Variants in GPATCH2 observed in about 807,000 individuals in gnomAD.
GPATCH2 encodes G patch domain-containing protein 2.
A neutral mutation model predicts 58.0 loss-of-function variants in GPATCH2; 51 were observed. The ratio of observed to expected loss-of-function variants is 0.88; its 90% CI spans 0.70 to 1.11. GPATCH2 has a LOEUF of 1.11. Among genes scored for constraint, GPATCH2 ranks in the 50% most tolerant of loss-of-function variants. The probability of loss-of-function intolerance (pLI) is 0.00; values close to 1 mark genes in which losing one functional copy is unlikely to be tolerated. For synonymous variants in GPATCH2, 222 were observed against 218.5 expected (o/e 1.02, Z -0.14); for missense variants, 625 against 652.2 (o/e 0.96, Z 0.45).
intron 5 of GPATCH2, among the ~76,000 whole-genome samples, chr1:217,591,169 T>G (rs1667572170): frequency 6.6e-6 from 1 of 152,076 alleles, no homozygotes; most frequent in African/African-American, 2.4e-5. Flanking sequence ...CTAGGCTATG[T>G]CAACAGCCAA....
At chr1:217,495,353 A>C (rs1276564172) in intron 7 of GPATCH2, among the ~76,000 whole-genome samples, 1 of 152,202 alleles carries the variant, frequency 6.6e-6, no homozygotes, top group Non-Finnish European at 1.5e-5. Context: ...ATTATACATA[A>C]GGCACTCAAG....
At chr1:217,586,705 CTTGTA>C (rs1667357773) in intron 5 of GPATCH2, among the ~76,000 whole-genome samples, 1 of 152,148 alleles carries the variant, frequency 6.6e-6, no homozygotes, top group Non-Finnish European at 1.5e-5. Context: ...ATGGTACATA[CTTGTA>C]TTGTGTATAC....
At chr1:217,576,317 T>C (rs996881447) in intron 5 of GPATCH2, among the ~76,000 whole-genome samples, 7 of 152,156 alleles carry the variant, frequency 4.6e-5, no homozygotes, top group Non-Finnish European at 1.0e-4. Flanking sequence ...TAAAATATAT[T>C]TTCCTAGAAC....
intron 7 of GPATCH2, among the ~76,000 whole-genome samples, chr1:217,497,808 A>G (rs1432835890): frequency 6.6e-6 from 1 of 152,176 alleles, no homozygotes; most frequent in Non-Finnish European, 1.5e-5. Context: ...TAATATAATC[A>G]AGGGGTAACT....
chr1:217,559,950 G>A (rs1390607723), intron 5 of GPATCH2, among the ~76,000 whole-genome samples: 1 of 152,100 alleles, frequency 6.6e-6, no homozygotes, highest in East Asian at 1.9e-4. Flanking sequence ...CTTGGTTCAA[G>A]CGATTCTCCT....
chr1:217,472,523 C>T (rs935306826), intron 8 of GPATCH2, among the ~76,000 whole-genome samples: 2 of 152,020 alleles, frequency 1.3e-5, no homozygotes, highest in Non-Finnish European at 1.5e-5. Flanking sequence ...AAGATGGTCT[C>T]GATCTCCTGA....
intron 5 of GPATCH2, among the ~76,000 whole-genome samples, chr1:217,603,790 T>G (rs1057017256): frequency 7.9e-5 from 12 of 151,808 alleles, no homozygotes; most frequent in Non-Finnish European, 1.3e-4. Context: ...GCCCTGCTAA[T>G]TTTTGTATTT....
At chr1:217,545,332 G>C (rs1327796056) in intron 5 of GPATCH2, among the ~76,000 whole-genome samples, 1 of 152,164 alleles carries the variant, frequency 6.6e-6, no homozygotes, top group Non-Finnish European at 1.5e-5. Context: ...GCACTACCAA[G>C]ACCATATCTC....
intron 5 of GPATCH2, among the ~76,000 whole-genome samples, chr1:217,558,782 CA>C (rs1233395618): frequency 1.3e-5 from 2 of 151,942 alleles, no homozygotes; most frequent in Non-Finnish European, 2.9e-5. Flanking sequence ...ACCTGTTCTA[CA>C]AAAGGTTTTA....
rs1177430745 is a variant in GPATCH2, at chr1:217,428,286, T to C, written c.*2859A>G. On this transcript the variant is annotated 3_prime_UTR_variant, in exon 10 of 10. Transcript: ENST00000366935. Reference sequence around the variant, plus strand: ...TAATTTGCTATAAGGCTACAGATACTGTAGAAGAGTGGCTTCACAAAACAG... The same window carrying C: ...TAATTTGCTATAAGGCTACAGATACCGTAGAAGAGTGGCTTCACAAAACAG... 6.6e-6 allele frequency: 1 copy of C among 152,332 alleles called. No individual in the cohort carries two copies. Among genetic ancestry groups the C allele is most frequent in the East Asian group, 1.9e-4 (1 of 5,188 alleles). The allele number at this position is 152,332 out of a possible 1,614,324, so 9.4% of individuals were successfully genotyped here. A position where few individuals can be genotyped will look rare whatever the true frequency, so the allele number is the denominator to read the frequency against.
chr1:217,596,048 C>A (rs774883742), intron 5 of GPATCH2, among the ~76,000 whole-genome samples: 1 of 151,446 alleles, frequency 6.6e-6, no homozygotes, highest in Non-Finnish European at 1.5e-5. Context: ...TCAAAAGATA[C>A]CAAAGAATAG....
rs559010486 is a variant in GPATCH2, at chr1:217,533,920, A to G, written c.1099-19031T>C. ...AAATGAATATAAAATAAGATCTATT[A>G]AAAAGATTCTTACAGCCAGGCATGG... On this transcript the variant is annotated intron_variant, in intron 5 of 9. Coordinates refer to ENST00000366935, the MANE Select transcript of GPATCH2 (RefSeq NM_018040.5). Among the ~76,000 whole-genome samples, 7 of 152,268 alleles carry G rather than the reference A, an allele frequency of 4.6e-5. No individual in the cohort carries two copies. The East Asian group carries it at 1.4e-3, about 29-fold the overall frequency.
At chr1:217,496,055 ATTT>A (rs1303549136) in intron 7 of GPATCH2, among the ~76,000 whole-genome samples, 1 of 152,180 alleles carries the variant, frequency 6.6e-6, no homozygotes, top group African/African-American at 2.4e-5. Flanking sequence ...AAACTAAAAG[ATTT>A]TATACTTCAT....
chr1:217,525,217 A>G (rs1571862271), intron 5 of GPATCH2, among the ~76,000 whole-genome samples: 1 of 151,994 alleles, frequency 6.6e-6, no homozygotes, highest in African/African-American at 2.4e-5. Context: ...ATTCAGTCCC[A>G]TTATCTTGCC....
intron 5 of GPATCH2, among the ~76,000 whole-genome samples, chr1:217,544,374 CAG>C (rs1664920069): frequency 6.8e-6 from 1 of 147,814 alleles, no homozygotes; most frequent in African/African-American, 2.7e-5. Flanking sequence ...GCCTGAGCAA[CAG>C]AACTAGACTC....
chr1:217,458,057 C>G (rs749782215), intron 8 of GPATCH2, among the ~76,000 whole-genome samples: 4 of 152,168 alleles, frequency 2.6e-5, no homozygotes, highest in Non-Finnish European at 4.4e-5. Flanking sequence ...GAAACCCCGT[C>G]TCTACTAAAA....
intron 5 of GPATCH2, among the ~76,000 whole-genome samples, chr1:217,516,231 TA>T (rs35618356): frequency 0.27 from 34,816 of 128,554 alleles, 5,195 homozygotes; most frequent in African/African-American, 0.46. Context: ...ATTTTAATTT[TA>T]AAAAAAAACC....
intron 5 of GPATCH2, among the ~76,000 whole-genome samples, chr1:217,579,196 A>G (rs2102737747): frequency 6.6e-6 from 1 of 152,328 alleles, no homozygotes; most frequent in African/African-American, 2.4e-5. Context: ...AATAAAATCC[A>G]AACAATGATA....
intron 5 of GPATCH2, among the ~76,000 whole-genome samples, chr1:217,532,909 T>G (rs1284051755): frequency 6.9e-6 from 1 of 145,360 alleles, no homozygotes; most frequent in Non-Finnish European, 1.5e-5. Context: ...TGTTTTTTTT[T>G]TTTTTTTGAG....
Sources: gnomAD v4.1 joint callset for allele counts (sites outside exome capture counted in the v4.1 genomes callset) on GRCh38, gnomAD v4.1.1 for gene constraint, MANE v1.5 for transcripts, NCBI Gene and HGNC (gene_info 2026-07-23, HGNC 2026-07-21) for gene names.